Variants in SCHIP1 observed in about 807,000 individuals in gnomAD.
The protein encoded by SCHIP1 is schwannomin-interacting protein 1.
Under a neutral mutation model 29.7 loss-of-function variants are expected in SCHIP1, and 8 were observed. That is an observed-to-expected ratio of 0.27 (90% CI 0.16 to 0.49). The LOEUF (loss-of-function observed/expected upper bound fraction) is 0.49, where lower values mean the gene tolerates loss of function less well. Among genes scored for constraint, SCHIP1 ranks in the 20% least tolerant of loss-of-function variants. The probability of loss-of-function intolerance (pLI) is 0.99; values close to 1 mark genes in which losing one functional copy is unlikely to be tolerated. For missense variants in SCHIP1, 193 were observed against 294.6 expected (o/e 0.66, Z 2.52); for synonymous variants, 76 against 94.9 (o/e 0.80, Z 1.16).
In SCHIP1 at chr3:159,842,997, C is replaced by CTTTTTTTTTTTTTTTTTTTTTTTTT. The variant is rs1440922016; in HGVS notation, c.30+2786_30+2787insTTTTTTTTTTTTTTTTTTTTTTTTT. Among the ~76,000 whole-genome samples, 44 of 61,746 alleles carry CTTTTTTTTTTTTTTTTTTTTTTTTT rather than the reference C, an allele frequency of 7.1e-4. 9 individuals are homozygous for CTTTTTTTTTTTTTTTTTTTTTTTTT. The highest frequency in any genetic ancestry group is 4.7e-3 in the South Asian group (6 of 1,290). The allele number at this position is 61,746 out of a possible 152,430, so 40.5% of individuals were successfully genotyped here. On this transcript the variant is annotated intron_variant, in intron 1 of 6. Transcript: ENST00000445224. ...GCTCTCCAGTTCTATCCCAATATTT[C>CTTTTTTTTTTTTTTTTTTTTTTTTT]TTTCTTTTTTTTTTTTTTTTTTTTT... is the stretch of plus-strand genomic sequence containing the variant.
chr3:159,289,713 G>A, the SCHIP1 span, among the ~76,000 whole-genome samples: 4 of 152,122 alleles, frequency 2.6e-5, no homozygotes, highest in African/African-American at 9.7e-5. Flanking sequence ...CTGTCAATGC[G>A]CAGGGCCTGC....
the SCHIP1 span, among the ~76,000 whole-genome samples, chr3:159,385,589 CCAAAAA>C: frequency 8.9e-5 from 6 of 67,428 alleles, no homozygotes; most frequent in Non-Finnish European, 2.0e-4. Flanking sequence ...AAAAAAAAAA[CCAAAAA>C]AAAAAAAAAC....
the SCHIP1 span, among the ~76,000 whole-genome samples, chr3:159,353,412 T>C: frequency 6.6e-6 from 1 of 152,084 alleles, no homozygotes; most frequent in African/African-American, 2.4e-5. Flanking sequence ...ACCCTGAAAG[T>C]TTTCATTGAA....
chr3:159,468,282 G>A, the SCHIP1 span, among the ~76,000 whole-genome samples: 4 of 152,016 alleles, frequency 2.6e-5, no homozygotes, highest in African/African-American at 7.2e-5. Context: ...TAGCCCTCAA[G>A]GTATATATGT....
chr3:159,337,250 G>A, the SCHIP1 span, among the ~76,000 whole-genome samples: 4 of 151,982 alleles, frequency 2.6e-5, no homozygotes, highest in African/African-American at 9.7e-5. Context: ...ATACTGAATG[G>A]GCAAAAACTG....
the SCHIP1 span, among the ~76,000 whole-genome samples, chr3:159,711,969 C>T: frequency 8.6e-3 from 1,312 of 152,218 alleles, 23 homozygotes; most frequent in African/African-American, 0.029. Flanking sequence ...GCTGCTGCTG[C>T]TGGTTCCAGA....
At chr3:159,394,439 T>C in the SCHIP1 span, among the ~76,000 whole-genome samples, 1 of 152,126 alleles carries the variant, frequency 6.6e-6, no homozygotes, top group African/African-American at 2.4e-5. Context: ...CAGTATGATA[T>C]TGGCTGTGGG....
chr3:159,875,724 T>A (rs1462090851), intron 2 of SCHIP1, among the ~76,000 whole-genome samples: 1 of 152,212 alleles, frequency 6.6e-6, no homozygotes, highest in Non-Finnish European at 1.5e-5. Flanking sequence ...TTTAACACCA[T>A]CCTTTTACTC....
chr3:159,871,128 C>T (rs1320009555), intron 2 of SCHIP1, among the ~76,000 whole-genome samples: 2 of 152,004 alleles, frequency 1.3e-5, no homozygotes, highest in Non-Finnish European at 1.5e-5. Context: ...AAAATGTTTT[C>T]CTGTCCATCA....
the SCHIP1 span, among the ~76,000 whole-genome samples, chr3:159,710,537 T>C: frequency 3.7e-3 from 569 of 152,322 alleles, 1 homozygote; most frequent in African/African-American, 0.013. Flanking sequence ...AAGTGGATTT[T>C]AAATGTGCTT....
the SCHIP1 span, among the ~76,000 whole-genome samples, chr3:159,510,735 C>G: frequency 6.6e-6 from 1 of 152,192 alleles, no homozygotes; most frequent in Non-Finnish European, 1.5e-5. Context: ...GAGGTCCACT[C>G]CAGACCCTGT....
chr3:159,395,679 G>C, the SCHIP1 span, among the ~76,000 whole-genome samples: 2 of 152,156 alleles, frequency 1.3e-5, no homozygotes, highest in Non-Finnish European at 2.9e-5. Flanking sequence ...ACTGTGGTCT[G>C]AGAGATAGTT....
At chr3:159,889,465 G>A (rs931939659) in intron 5 of SCHIP1, among the ~76,000 whole-genome samples, 12 of 152,234 alleles carry the variant, frequency 7.9e-5, no homozygotes, top group African/African-American at 2.9e-4. Context: ...GCCACAGGGA[G>A]TGGTGAGTGG....
chr3:159,701,555 A>C, the SCHIP1 span, among the ~76,000 whole-genome samples: 1 of 152,154 alleles, frequency 6.6e-6, no homozygotes, highest in Non-Finnish European at 1.5e-5. Context: ...TTTCCTTTAT[A>C]ACCTAATACA....
At chr3:159,598,072 T>C in the SCHIP1 span, among the ~76,000 whole-genome samples, 1 of 152,146 alleles carries the variant, frequency 6.6e-6, no homozygotes, top group Non-Finnish European at 1.5e-5. Flanking sequence ...TGGGGAAAAC[T>C]GACCCCATGA....
chr3:159,394,418 G>T, the SCHIP1 span, among the ~76,000 whole-genome samples: 44 of 151,638 alleles, frequency 2.9e-4, no homozygotes, highest in African/African-American at 7.5e-4. Context: ...TGCTTCCAGT[G>T]TTTGCCCATT....
chr3:159,424,374 C>T, the SCHIP1 span, among the ~76,000 whole-genome samples: 6 of 152,142 alleles, frequency 3.9e-5, no homozygotes, highest in East Asian at 1.9e-4. Flanking sequence ...AGCCAAGGCT[C>T]GAGAACTATG....
chr3:159,631,274 A>G, the SCHIP1 span, among the ~76,000 whole-genome samples: 1 of 152,172 alleles, frequency 6.6e-6, no homozygotes, highest in Non-Finnish European at 1.5e-5. Flanking sequence ...TGTGGAAAAC[A>G]GTTTGATGGT....
the SCHIP1 span, among the ~76,000 whole-genome samples, chr3:159,787,021 G>A: frequency 6.6e-6 from 1 of 152,124 alleles, no homozygotes; most frequent in African/African-American, 2.4e-5. Flanking sequence ...CTTGTTGAGG[G>A]TTGACTTTGG....
Sources: allele counts gnomAD v4.1 joint callset (sites outside exome capture counted in the v4.1 genomes callset), GRCh38; gene constraint gnomAD v4.1.1; transcripts MANE v1.5; gene names NCBI Gene and HGNC (gene_info 2026-07-23, HGNC 2026-07-21).